ADAM12: variants seen among roughly 807,000 people sequenced by gnomAD.
ADAM12 encodes disintegrin and metalloproteinase domain-containing protein 12.
ADAM12 carries 70 observed loss-of-function variants against 106.4 expected under a neutral mutation model. That is an observed-to-expected ratio of 0.66 (90% CI 0.54 to 0.80). The LOEUF is 0.80. Among genes scored for constraint, ADAM12 ranks in the 30% least tolerant of loss-of-function variants. The pLI is 0.00. For synonymous variants in ADAM12, 420 were observed against 433.5 expected (o/e 0.97, Z 0.39); for missense variants, 1,010 against 1,171.9 (o/e 0.86, Z 2.02).
intron 2 of ADAM12, among the ~76,000 whole-genome samples, chr10:126,291,373 A>C (rs1336913114): frequency 6.6e-6 from 1 of 152,246 alleles, no homozygotes; most frequent in Non-Finnish European, 1.5e-5. Flanking sequence ...TCACAGAGGC[A>C]CCGCAAGTCA....
chr10:126,091,134 G>T (rs1332725444), intron 11 of ADAM12: 1 of 121,392 alleles, frequency 8.2e-6, no homozygotes, highest in African/African-American at 2.6e-5. Context: ...CAGCAATGAT[G>T]AGTAGGAATT....
intron 21 of ADAM12, among the ~76,000 whole-genome samples, chr10:126,021,533 C>T (rs872328): frequency 0.58 from 88,006 of 152,066 alleles, 27,082 homozygotes; most frequent in Non-Finnish European, 0.68. Context: ...TAGGAAAAAG[C>T]CCCTGAACAA....
At chr10:126,165,782 A>T (rs1469182657) in intron 3 of ADAM12, among the ~76,000 whole-genome samples, 1 of 152,240 alleles carries the variant, frequency 6.6e-6, no homozygotes, top group Non-Finnish European at 1.5e-5. Flanking sequence ...GAGACACTTG[A>T]AAACGGTGCT....
intron 3 of ADAM12, among the ~76,000 whole-genome samples, chr10:126,158,080 C>T (rs770593417): frequency 6.6e-5 from 10 of 152,168 alleles, no homozygotes; most frequent in Middle Eastern, 3.4e-3. Flanking sequence ...AGCAGAGAGG[C>T]GGGATGTGAA....
At chr10:126,193,506 C>CTAAA (rs1957542089) in intron 3 of ADAM12, among the ~76,000 whole-genome samples, 5 of 152,076 alleles carry the variant, frequency 3.3e-5, no homozygotes, top group Admixed American at 2.6e-4. Context: ...TTAAACTGGG[C>CTAAA]ACTTTAAATA....
chr10:126,252,757 C>T (rs1382877478), intron 3 of ADAM12, among the ~76,000 whole-genome samples: 1 of 152,020 alleles, frequency 6.6e-6, no homozygotes, highest in African/African-American at 2.4e-5. Context: ...ATACATAATG[C>T]TTTACCCGCT....
Position 126,388,399 on chromosome 10 carries a change from T to G in ADAM12, c.-254A>C. 2.9e-6 allele frequency: 1 copy of G among 347,274 alleles called. No homozygotes were observed. The allele number at this position is 347,274 out of a possible 1,614,324, so 21.5% of individuals were successfully genotyped here. A position where few individuals can be genotyped will look rare whatever the true frequency, so the allele number is the denominator to read the frequency against. ...TTCTGGCACAAGCCAGCCTTGACCG[T>G]TGCAATAAATGAGCAAACTGTCCGA... On this transcript the variant is annotated 5_prime_UTR_variant, in exon 1 of 23. Transcript: ENST00000448723. The surrounding 1 kb of genome is among the most constrained non-coding windows in gnomAD (Gnocchi z 4.4).
intron 3 of ADAM12, among the ~76,000 whole-genome samples, chr10:126,192,059 C>T (rs957047116): frequency 2.6e-5 from 4 of 152,094 alleles, no homozygotes; most frequent in African/African-American, 9.7e-5. Context: ...GAAAGTCTGC[C>T]CCCGGCCCCA....
At chr10:126,083,127 C>T (rs1387166533) in intron 11 of ADAM12, among the ~76,000 whole-genome samples, 1 of 152,216 alleles carries the variant, frequency 6.6e-6, no homozygotes, top group African/African-American at 2.4e-5. Flanking sequence ...TTACTCCATG[C>T]TGCCTGGAGC....
intron 3 of ADAM12, among the ~76,000 whole-genome samples, chr10:126,215,342 G>C (rs12261060): frequency 0.27 from 40,931 of 152,112 alleles, 6,098 homozygotes; most frequent in African/African-American, 0.4. Context: ...CCTCTTTCCT[G>C]TGGCCTCTCC....
At chr10:126,194,961 C>T (rs1300778934) in intron 3 of ADAM12, among the ~76,000 whole-genome samples, 1 of 152,144 alleles carries the variant, frequency 6.6e-6, no homozygotes, top group Non-Finnish European at 1.5e-5. Flanking sequence ...ATTTGATAGT[C>T]TTGTTACTTT....
intron 1 of ADAM12, among the ~76,000 whole-genome samples, chr10:126,376,249 T>A (rs552377741): frequency 6.6e-6 from 1 of 152,174 alleles, no homozygotes; most frequent in Non-Finnish European, 1.5e-5. Flanking sequence ...ATTTGAATCA[T>A]CAGGATTAAA....
intron 8 of ADAM12, among the ~76,000 whole-genome samples, chr10:126,105,963 A>G (rs760565568): frequency 1.3e-5 from 2 of 152,206 alleles, no homozygotes; most frequent in Non-Finnish European, 2.9e-5. Context: ...GGTTTTTCTG[A>G]CTTCCAGAAA....
At chr10:126,335,026 C>T (rs566602610) in intron 1 of ADAM12, among the ~76,000 whole-genome samples, 2 of 152,346 alleles carry the variant, frequency 1.3e-5, no homozygotes, top group African/African-American at 2.4e-5. Flanking sequence ...TAAGTCAACA[C>T]AGTAAAGCGC....
intron 3 of ADAM12, among the ~76,000 whole-genome samples, chr10:126,237,811 A>C (rs1489192006): frequency 1.3e-5 from 2 of 152,218 alleles, no homozygotes; most frequent in Non-Finnish European, 2.9e-5. Flanking sequence ...ACTCTAATGC[A>C]AATCCTCTCT....
At chr10:126,058,792 G>T (rs1222429793) in intron 14 of ADAM12, among the ~76,000 whole-genome samples, 1 of 152,144 alleles carries the variant, frequency 6.6e-6, no homozygotes, top group Non-Finnish European at 1.5e-5. Context: ...AGACAGAGTG[G>T]TCAATAATTT....
chr10:126,335,195 G>A (rs932268715), intron 1 of ADAM12, among the ~76,000 whole-genome samples: 4 of 152,104 alleles, frequency 2.6e-5, no homozygotes, highest in African/African-American at 9.7e-5. Context: ...GATGCCAGTG[G>A]GCATCCTCCT....
chr10:126,215,956 A>G (rs538438822), intron 3 of ADAM12, among the ~76,000 whole-genome samples: 3 of 152,288 alleles, frequency 2.0e-5, no homozygotes, highest in African/African-American at 4.8e-5. Flanking sequence ...CCTTGAAGAC[A>G]TCTGTATTAT....
At chr10:126,022,551 T>C (rs1953787670) in intron 21 of ADAM12, among the ~76,000 whole-genome samples, 1 of 152,208 alleles carries the variant, frequency 6.6e-6, no homozygotes, top group Admixed American at 6.5e-5. Flanking sequence ...GTGGAACCCA[T>C]GATGCAAGAA....
Sources: allele counts gnomAD v4.1 joint callset (sites outside exome capture counted in the v4.1 genomes callset), GRCh38; gene constraint gnomAD v4.1.1; non-coding constraint Gnocchi (gnomAD v3.1); transcripts MANE v1.5; gene names NCBI Gene and HGNC (gene_info 2026-07-23, HGNC 2026-07-21).